PTPN13: variants seen among roughly 807,000 people sequenced by gnomAD.
PTPN13 encodes protein tyrosine phosphatase non-receptor type 13.
PTPN13 carries 191 observed loss-of-function variants against 284.0 expected under a neutral mutation model. The ratio of observed to expected loss-of-function variants is 0.67; its 90% confidence interval spans 0.60 to 0.76. PTPN13 has a LOEUF of 0.76. PTPN13 is among the 30% of genes least tolerant of loss of function. The pLI is 0.00. For synonymous variants in PTPN13, 986 were observed against 1,022.3 expected, an observed-to-expected ratio of 0.96 and a Z score of 0.68; for missense variants, 2,797 against 2,939.9, an observed-to-expected ratio of 0.95 and a Z score of 1.12.
chr4:86,730,229 G>A lies in PTPN13; in HGVS notation c.1609-2171G>A, dbSNP rs1734780018. Among the ~76,000 whole-genome samples, 4 of 149,606 alleles carry A rather than the reference G, an allele frequency of 2.7e-5. 1 individual carries two copies. In the South Asian group the frequency reaches 6.3e-4, roughly 24 times the overall value. ...ATCCCAGAGGGGCACCCAACCGTATGAGGTGTCTGTCAGCCTCTACTGGGA... is the reference window on the plus strand; with the variant it reads ...ATCCCAGAGGGGCACCCAACCGTATAAGGTGTCTGTCAGCCTCTACTGGGA... On this transcript the variant is annotated intron_variant, in intron 10 of 47. Transcript: ENST00000411767.
Position 86,767,807 on chromosome 4 carries a change from A to T in PTPN13, c.4330-10A>T. ...TTCTTAATTAATGAAATGCTATTTT[A>T]CTTATCCAGGTGGTTCATCTGTTAT... On this transcript the variant is annotated splice_polypyrimidine_tract_variant and intron_variant, in intron 27 of 47. Coordinates refer to ENST00000411767, the MANE Select transcript of PTPN13 (RefSeq NM_080683.3). 1 of 1,534,220 alleles carries T rather than the reference A, an allele frequency of 6.5e-7. No homozygotes were observed. Among genetic ancestry groups the T allele is most frequent in the South Asian group, 1.2e-5 (1 of 80,918 alleles).
At chr4:86,687,197 G>A (rs1418364721) in intron 4 of PTPN13, among the ~76,000 whole-genome samples, 3 of 152,238 alleles carry the variant, frequency 2.0e-5, no homozygotes, top group Non-Finnish European at 2.9e-5. Flanking sequence ...GTAGCCCTAT[G>A]TCTCAGAGTG....
chr4:86,747,983 C>T (rs976963373), intron 17 of PTPN13, among the ~76,000 whole-genome samples: 1 of 152,012 alleles, frequency 6.6e-6, no homozygotes, highest in African/African-American at 2.4e-5. Context: ...AGTGTTTTGC[C>T]CTCATGTCAT....
chr4:86,634,897 A>C (rs1332799227), intron 1 of PTPN13, among the ~76,000 whole-genome samples: 3 of 152,198 alleles, frequency 2.0e-5, no homozygotes, highest in Non-Finnish European at 4.4e-5. Flanking sequence ...AACCTGGAAC[A>C]GAAATCTGAA....
At chr4:86,678,480 T>C (rs192390216) in intron 3 of PTPN13, among the ~76,000 whole-genome samples, 67 of 152,344 alleles carry the variant, frequency 4.4e-4, no homozygotes, top group Middle Eastern at 3.4e-3. Context: ...AAAAAGTGAT[T>C]GACTATTTGC....
At chr4:86,739,552 C>T (rs1337755307) in intron 15 of PTPN13, among the ~76,000 whole-genome samples, 1 of 152,120 alleles carries the variant, frequency 6.6e-6, no homozygotes, top group Admixed American at 6.5e-5. Context: ...CCCACTGGGT[C>T]CCTCCTTCAA....
intron 2 of PTPN13, among the ~76,000 whole-genome samples, chr4:86,655,804 G>A (rs901615952): frequency 5.3e-5 from 8 of 152,108 alleles, no homozygotes; most frequent in Admixed American, 4.6e-4. Context: ...GCTAGGTTGG[G>A]GAAGTTCTCC....
chr4:86,762,301 A>G (rs146629042), intron 23 of PTPN13, among the ~76,000 whole-genome samples: 249 of 152,302 alleles, frequency 1.6e-3, no homozygotes, highest in African/African-American at 5.7e-3. Flanking sequence ...TTTGATAAGA[A>G]CTATATATAA....
At chr4:86,796,384 C>T (rs1357162379) in intron 40 of PTPN13, among the ~76,000 whole-genome samples, 2 of 152,162 alleles carry the variant, frequency 1.3e-5, no homozygotes, top group Non-Finnish European at 2.9e-5. Flanking sequence ...CCTGTAATCC[C>T]AACACTTTGG....
chr4:86,740,658 A>G (rs917867790), intron 15 of PTPN13, among the ~76,000 whole-genome samples: 8 of 152,180 alleles, frequency 5.3e-5, no homozygotes, highest in African/African-American at 1.9e-4. Context: ...TTACTTATGT[A>G]AATTTCTGCA....
At chr4:86,708,347 A>G (rs958690273) in intron 7 of PTPN13, among the ~76,000 whole-genome samples, 1 of 152,050 alleles carries the variant, frequency 6.6e-6, no homozygotes, top group African/African-American at 2.4e-5. Context: ...TTAAGTAAGA[A>G]TACAACTGAG....
chr4:86,708,022 T>C (rs1372114797), intron 7 of PTPN13, among the ~76,000 whole-genome samples: 1 of 152,200 alleles, frequency 6.6e-6, no homozygotes, highest in Non-Finnish European at 1.5e-5. Context: ...TTTAAAGAGA[T>C]TTGTAATTTA....
At chr4:86,728,706 A>T (rs867491893) in intron 10 of PTPN13, among the ~76,000 whole-genome samples, 5 of 56,944 alleles carry the variant, frequency 8.8e-5, no homozygotes, top group Non-Finnish European at 1.7e-4. Flanking sequence ...AGATCTTCCT[A>T]TGTCCCTTTA....
chr4:86,769,506 A>AT, intron 28 of PTPN13, among the ~76,000 whole-genome samples: 1 of 152,012 alleles, frequency 6.6e-6, no homozygotes, highest in Non-Finnish European at 1.5e-5. Flanking sequence ...GCATAATTCC[A>AT]TTTTCAGAAT....
chr4:86,797,161 C>T (rs1743437929), intron 41 of PTPN13, among the ~76,000 whole-genome samples: 1 of 152,028 alleles, frequency 6.6e-6, no homozygotes, highest in Non-Finnish European at 1.5e-5. Context: ...GAGTTCAAGA[C>T]TAGCCTGGCC....
At position 86,770,219 on chromosome 4, in the gene PTPN13, A is replaced by G; in HGVS notation, c.4803+20A>G. The G allele has an allele frequency of 6.3e-7, 1 of 1,587,966 alleles. No individual in the cohort carries two copies. The highest frequency in any genetic ancestry group is 1.1e-5 in the South Asian group (1 of 89,320). On this transcript the variant is annotated intron_variant, in intron 30 of 47. Transcript: ENST00000411767. Reference sequence around the variant, plus strand: ...CTTTTGGTGAGACTTATGAAAAGTAATTTACAGTTTTATAGAATATCAACT... The same window carrying G: ...CTTTTGGTGAGACTTATGAAAAGTAGTTTACAGTTTTATAGAATATCAACT...
chr4:86,644,298 A>C (rs1054902794), intron 2 of PTPN13, among the ~76,000 whole-genome samples: 1 of 152,018 alleles, frequency 6.6e-6, no homozygotes, highest in African/African-American at 2.4e-5. Context: ...CGCTCGGCCA[A>C]ATTTTTTTTG....
At chr4:86,803,926 T>C in intron 43 of PTPN13, 69 bp downstream of exon 43, 1 of 1,520,974 alleles carries the variant, frequency 6.6e-7, no homozygotes, top group Non-Finnish European at 9.0e-7. Flanking sequence ...AATGTATCTT[T>C]ACTGGCCCAA....
intron 6 of PTPN13, among the ~76,000 whole-genome samples, chr4:86,696,304 G>A (rs1032958438): frequency 2.0e-4 from 30 of 151,966 alleles, no homozygotes; most frequent in African/African-American, 6.5e-4. Flanking sequence ...TTGACTGAAC[G>A]AGAAAAGGTT....
Sources: allele counts gnomAD v4.1 joint callset (sites outside exome capture counted in the v4.1 genomes callset), GRCh38; gene constraint gnomAD v4.1.1; transcripts MANE v1.5; gene names NCBI Gene and HGNC (gene_info 2026-07-23, HGNC 2026-07-21).